The following FILIP1 variants were observed in gnomAD, a reference collection of about 807,000 sequenced individuals.
FILIP1 encodes filamin-A-interacting protein 1.
In FILIP1, 61 loss-of-function variants were observed where a neutral mutation model predicts 102.1. That is an observed-to-expected ratio of 0.60 (90% CI 0.49 to 0.74). FILIP1 has a LOEUF of 0.74. Ranked by LOEUF, FILIP1 falls within the 30% of genes least tolerant of loss-of-function variation. The probability of loss-of-function intolerance (pLI) is 0.00; values close to 1 mark genes in which losing one functional copy is unlikely to be tolerated. For synonymous variants in FILIP1, 491 were observed against 526.9 expected (o/e 0.93, Z 0.93); for missense variants, 1,314 against 1,441.2 (o/e 0.91, Z 1.43).
intron 4 of FILIP1, among the ~76,000 whole-genome samples, chr6:75,349,485 A>G (rs1774711574): frequency 6.6e-6 from 1 of 152,138 alleles, no homozygotes; most frequent in South Asian, 2.1e-4. Flanking sequence ...CTCAAACTTC[A>G]CTTTCTTCCC....
chr6:75,411,199 G>T (rs575487703), intron 2 of FILIP1, among the ~76,000 whole-genome samples: 1 of 152,154 alleles, frequency 6.6e-6, no homozygotes, highest in Non-Finnish European at 1.5e-5. Context: ...TCATATGTTT[G>T]TTGGCCACAT....
chr6:75,402,516 C>G (rs1224490277), intron 2 of FILIP1, among the ~76,000 whole-genome samples: 1 of 152,032 alleles, frequency 6.6e-6, no homozygotes, highest in Non-Finnish European at 1.5e-5. Context: ...ATTTAAAAAG[C>G]CATAGAGAGT....
intron 3 of FILIP1, among the ~76,000 whole-genome samples, chr6:75,362,540 T>C (rs1326911166): frequency 1.3e-5 from 2 of 152,246 alleles, no homozygotes; most frequent in African/African-American, 4.8e-5. Context: ...GGCTTTGGTA[T>C]GTTTAAAGAG....
At chr6:75,417,490 T>C (rs2149691230) in intron 1 of FILIP1, among the ~76,000 whole-genome samples, 1 of 152,350 alleles carries the variant, frequency 6.6e-6, no homozygotes, top group Non-Finnish European at 1.5e-5. Context: ...CACTTTAAAA[T>C]GCTTTATTCT....
intron 2 of FILIP1, among the ~76,000 whole-genome samples, chr6:75,397,181 G>T (rs1296925453): frequency 6.6e-6 from 1 of 151,462 alleles, no homozygotes; most frequent in Non-Finnish European, 1.5e-5. Context: ...AAAGTAGTTT[G>T]ATTAAAAATA....
Position 75,478,920 on chromosome 6 carries a change from C to T in FILIP1, c.-7+14494G>A, listed in dbSNP as rs532087012. Among the ~76,000 whole-genome samples the T allele has an allele frequency of 2.0e-5, 3 of 152,202 alleles. No homozygotes were observed. The South Asian group carries it at 6.2e-4, about 32-fold the overall frequency. ...TGGCAAAGAGTTGTTTGGTGCAGTG[C>T]CCCATTTCTTCCACTTGCTCCTTGG... On this transcript the variant is annotated intron_variant, in intron 1 of 5. Coordinates refer to ENST00000237172, the MANE Select transcript of FILIP1 (RefSeq NM_015687.5).
rs952553713 is a variant in FILIP1 at position 75,308,492 on chromosome 6, A to G, written c.*199T>C. 4 of 1,410,686 alleles carry G rather than the reference A, an allele frequency of 2.8e-6. No homozygotes were observed. The African/African-American group carries it at 5.8e-5, about 20-fold the overall frequency. 87.4% of individuals were successfully genotyped at this position (1,410,686 alleles called of 1,614,324 possible). On this transcript the variant is annotated 3_prime_UTR_variant, in exon 6 of 6. Transcript: ENST00000237172. Reference sequence around the variant, plus strand: ...ACGCCCTGGCTTCTAGGCAGCAAGCAATAGTTTTGCTAATTTTGTTCCCCA... The same window carrying G: ...ACGCCCTGGCTTCTAGGCAGCAAGCGATAGTTTTGCTAATTTTGTTCCCCA...
Position 75,308,118 on chromosome 6 carries a change from T to C in FILIP1, c.*573A>G. On this transcript the variant is annotated 3_prime_UTR_variant, in exon 6 of 6. Coordinates refer to ENST00000237172, the MANE Select transcript of FILIP1 (RefSeq NM_015687.5). ...CATATTTCATTTCCATTTTATTACA[T>C]GTTCACATTATTTCCTGAAATCATC... The C allele has an allele frequency of 5.1e-6, 5 of 986,046 alleles. No homozygotes were observed. The highest frequency in any genetic ancestry group is 1.7e-5 in the African/African-American group (1 of 57,372). 61.1% of individuals were successfully genotyped at this position (986,046 alleles called of 1,614,324 possible).
chr6:75,314,812 T>C lies in FILIP1; in HGVS notation c.1020A>G (p.Gln340=), dbSNP rs745863788. ...TGGTCTCTTCTAGCTCCTCGATTCTTTGGGTTAAGCCAACCAGCTTGAGTC... is the reference window on the plus strand; with the variant it reads ...TGGTCTCTTCTAGCTCCTCGATTCTCTGGGTTAAGCCAACCAGCTTGAGTC... ...QLRLKLVGLT[Q]RIEELEETNK... is the part of the protein sequence containing the mutation. Residue 340 remains glutamine, a synonymous_variant, in exon 5 of 6, where the codon CAA becomes CAG. Transcript: ENST00000237172. The C allele has an allele frequency of 1.1e-5, 18 of 1,613,882 alleles. No individual in the cohort carries two copies. Among genetic ancestry groups the C allele is most frequent in the Non-Finnish European group, 2.5e-6 (3 of 1,180,014 alleles).
At chr6:75,395,246 A>G (rs1776422248) in intron 2 of FILIP1, among the ~76,000 whole-genome samples, 1 of 152,186 alleles carries the variant, frequency 6.6e-6, no homozygotes, top group African/African-American at 2.4e-5. Context: ...TGAATTAACC[A>G]TTCAAAATTT....
At chr6:75,418,881 C>T (rs141036721) in intron 1 of FILIP1, among the ~76,000 whole-genome samples, 337 of 152,194 alleles carry the variant, frequency 2.2e-3, no homozygotes, top group African/African-American at 7.8e-3. Context: ...TAGTAGTCAA[C>T]AATAATTTAC....
intron 4 of FILIP1, among the ~76,000 whole-genome samples, chr6:75,330,075 A>G (rs1344134601): frequency 6.6e-6 from 1 of 152,202 alleles, no homozygotes; most frequent in Non-Finnish European, 1.5e-5. Context: ...GTACAACTGC[A>G]GAGTCAGAGC....
At chr6:75,397,266 AAT>A (rs1776494321) in intron 2 of FILIP1, among the ~76,000 whole-genome samples, 1 of 151,898 alleles carries the variant, frequency 6.6e-6, no homozygotes, top group African/African-American at 2.4e-5. Flanking sequence ...TTCTAAAAAA[AAT>A]AATAAGTCAT....
chr6:75,472,171 C>T (rs1418944469), intron 1 of FILIP1, among the ~76,000 whole-genome samples: 2 of 152,064 alleles, frequency 1.3e-5, no homozygotes, highest in African/African-American at 4.8e-5. Flanking sequence ...AAAGATACTG[C>T]ATGTCATACC....
chr6:75,391,733 TA>T (rs897095993), intron 2 of FILIP1, among the ~76,000 whole-genome samples: 64 of 152,282 alleles, frequency 4.2e-4, no homozygotes, highest in African/African-American at 1.5e-3. Context: ...CATACAAACA[TA>T]CTGTTGTTTC....
chr6:75,431,086 C>T lies in FILIP1; in HGVS notation c.-6-16108G>A, dbSNP rs79323959. ...TTCAGCCTTCAGTTTGTCCTTCATACGGCACTGTTATCCATTCACATCAGA... is the reference window on the plus strand; with the variant it reads ...TTCAGCCTTCAGTTTGTCCTTCATATGGCACTGTTATCCATTCACATCAGA... On this transcript the variant is annotated intron_variant, in intron 1 of 5. Transcript: ENST00000237172. Among the ~76,000 whole-genome samples, 98 of 152,266 alleles carry T rather than the reference C, an allele frequency of 6.4e-4. 1 individual carries two copies. In the East Asian group the frequency reaches 0.016, roughly 25 times the overall value.
chr6:75,443,855 T>C (rs1562608220), intron 1 of FILIP1, among the ~76,000 whole-genome samples: 1 of 152,208 alleles, frequency 6.6e-6, no homozygotes, highest in Non-Finnish European at 1.5e-5. Flanking sequence ...AGTTCTAACA[T>C]GCTCATATTA....
intron 1 of FILIP1, among the ~76,000 whole-genome samples, chr6:75,470,584 C>A (rs1779300155): frequency 6.6e-6 from 1 of 151,980 alleles, no homozygotes; most frequent in South Asian, 2.1e-4. Flanking sequence ...TATATGTATG[C>A]CTGTATCTAT....
chr6:75,415,362 T>G (rs1242560116), intron 1 of FILIP1, among the ~76,000 whole-genome samples: 1 of 151,708 alleles, frequency 6.6e-6, no homozygotes, highest in Non-Finnish European at 1.5e-5. Flanking sequence ...TGTAATAATG[T>G]TAGGAATCTA....
Sources: allele counts gnomAD v4.1 joint callset (sites outside exome capture counted in the v4.1 genomes callset), GRCh38; gene constraint gnomAD v4.1.1; transcripts MANE v1.5; gene names NCBI Gene and HGNC (gene_info 2026-07-23, HGNC 2026-07-21).